Variants in ATP11B observed in about 807,000 individuals in gnomAD.
ATP11B encodes the protein ATPase phospholipid transporting 11B (putative).
ATP11B carries 81 observed loss-of-function variants against 157.8 expected under a neutral mutation model. The observed-to-expected ratio is 0.51, with a 90% CI of 0.43 to 0.62. ATP11B has a LOEUF of 0.62. ATP11B is among the 20% of genes least tolerant of loss of function. ATP11B has a pLI of 0.00. For synonymous variants in ATP11B, 451 were observed against 469.4 expected (o/e 0.96, Z 0.51); for missense variants, 1,165 against 1,402.2 (o/e 0.83, Z 2.70).
intron 28 of ATP11B, among the ~76,000 whole-genome samples, chr3:182,908,196 CTTT>C (rs10716562): frequency 1.4e-4 from 10 of 70,718 alleles, no homozygotes; most frequent in East Asian, 4.4e-4. Context: ...TTATTATTTT[CTTT>C]TTTTTTTTTT....
intron 19 of ATP11B, among the ~76,000 whole-genome samples, chr3:182,876,023 G>T (rs1251600648): frequency 6.6e-6 from 1 of 151,928 alleles, no homozygotes; most frequent in Admixed American, 6.6e-5. Flanking sequence ...GAGGTGGATC[G>T]CTTGAGCCCA....
chr3:182,814,650 ATT>A (rs1560059909), intron 1 of ATP11B, among the ~76,000 whole-genome samples: 1 of 152,006 alleles, frequency 6.6e-6, no homozygotes. Context: ...TCTACAAAAA[ATT>A]TTAAAAGTTA....
In ATP11B at chr3:182,810,403, T is replaced by A. The variant is rs184210040; in HGVS notation, c.28-9857T>A. Among the ~76,000 whole-genome samples the A allele has an allele frequency of 2.4e-3, 372 of 152,328 alleles. 6 individuals carry two copies. Among genetic ancestry groups the A allele is most frequent in the South Asian group, 7.0e-3 (34 of 4,830 alleles). ...GATGCTAAGTAATCATTTCTCTGCTTAAAGTTTAATTTTCATAGCAATAGT... is the reference window on the plus strand; with the variant it reads ...GATGCTAAGTAATCATTTCTCTGCTAAAAGTTTAATTTTCATAGCAATAGT... On this transcript the variant is annotated intron_variant, in intron 1 of 29. Coordinates refer to ENST00000323116, the MANE Select transcript of ATP11B (RefSeq NM_014616.3).
intron 1 of ATP11B, among the ~76,000 whole-genome samples, chr3:182,796,081 A>C (rs912235093): frequency 6.6e-5 from 10 of 152,238 alleles, no homozygotes; most frequent in African/African-American, 2.4e-4. Context: ...TAATTAAAAA[A>C]AAGTGTGACT....
In ATP11B at chr3:182,807,986, A is replaced by C. The variant is rs540329130; in HGVS notation, c.28-12274A>C. 2.0e-5 allele frequency among the ~76,000 whole-genome samples: 3 copies of C among 152,338 alleles called. No individual in the cohort carries two copies. In the South Asian group the frequency reaches 6.2e-4, roughly 32 times the overall value. On this transcript the variant is annotated intron_variant, in intron 1 of 29. Coordinates refer to ENST00000323116, the MANE Select transcript of ATP11B (RefSeq NM_014616.3). ...AACATTTTAACTTAACTGAGTAGCA[A>C]ACACGTTTTTCTTTATAAGTGATAC... is the stretch of plus-strand genomic sequence containing the variant.
At chr3:182,813,451 T>C (rs944183427) in intron 1 of ATP11B, among the ~76,000 whole-genome samples, 1 of 152,224 alleles carries the variant, frequency 6.6e-6, no homozygotes, top group Non-Finnish European at 1.5e-5. Flanking sequence ...GGATGTGAAG[T>C]GTTATCTCCT....
At position 182,921,131 on chromosome 3, in the gene ATP11B, C is replaced by T. The variant is rs1317068339; in HGVS notation, c.*3027C>T. On this transcript the variant is annotated 3_prime_UTR_variant, in exon 30 of 30. Coordinates refer to ENST00000323116, the MANE Select transcript of ATP11B (RefSeq NM_014616.3). ...TAAAATATGCTACTCTGAAAAATCT[C>T]GTGAAGGCTGTAGGAAAAGGGAGAA... 2 of 152,100 alleles carry T rather than the reference C, an allele frequency of 1.3e-5. No individual in the cohort carries two copies. The highest frequency in any genetic ancestry group is 2.4e-5 in the African/African-American group (1 of 41,414). 9.4% of individuals were successfully genotyped at this position (152,100 alleles called of 1,614,324 possible). A position where few individuals can be genotyped will look rare whatever the true frequency, so the allele number is the denominator to read the frequency against.
At chr3:182,865,728 G>A (rs778639806) in intron 13 of ATP11B, 30 bp downstream of exon 13, 4 of 1,551,666 alleles carry the variant, frequency 2.6e-6, no homozygotes, top group Non-Finnish European at 1.7e-6. Flanking sequence ...ATAAATAAGG[G>A]TTTCATATGA....
At chr3:182,841,987 A>C in intron 7 of ATP11B, 88 bp from the exon 8 acceptor site, 11 of 847,078 alleles carry the variant, frequency 1.3e-5, no homozygotes, top group East Asian at 2.7e-5. Context: ...CAAAAAAAAA[A>C]AAAAAAAAAA....
intron 22 of ATP11B, 28 bp downstream of exon 22, chr3:182,884,926 A>T: frequency 8.2e-7 from 1 of 1,222,780 alleles, no homozygotes; most frequent in Non-Finnish European, 1.1e-6. Context: ...AGAATCAATT[A>T]TTGATATAGT....
chr3:182,853,921 C>T (rs141479111), intron 10 of ATP11B, among the ~76,000 whole-genome samples: 1 of 152,262 alleles, frequency 6.6e-6, no homozygotes, highest in East Asian at 1.9e-4. Flanking sequence ...ACAGTAATTA[C>T]AGTATGGTAT....
At chr3:182,804,028 A>G (rs1032744342) in intron 1 of ATP11B, among the ~76,000 whole-genome samples, 2 of 151,882 alleles carry the variant, frequency 1.3e-5, no homozygotes, top group African/African-American at 4.8e-5. Context: ...TTATTCTTCC[A>G]TATGCCACTT....
chr3:182,866,247 A>G, intron 13 of ATP11B, 21 bp from the exon 14 acceptor site: 2 of 1,478,868 alleles, frequency 1.4e-6, no homozygotes, highest in South Asian at 1.4e-5. Flanking sequence ...TTTATCATGA[A>G]TATTAATTAC....
intron 2 of ATP11B, among the ~76,000 whole-genome samples, chr3:182,823,420 G>A (rs1717500098): frequency 6.6e-6 from 1 of 152,064 alleles, no homozygotes; most frequent in African/African-American, 2.4e-5. Context: ...AGATCAGATG[G>A]TTGTAGATGT....
chr3:182,907,688 G>A (rs1306914149), intron 28 of ATP11B, among the ~76,000 whole-genome samples: 2 of 152,178 alleles, frequency 1.3e-5, no homozygotes, highest in African/African-American at 4.8e-5. Flanking sequence ...GCTTGCTGCT[G>A]CCTAGGATTT....
At position 182,920,168 on chromosome 3, in the gene ATP11B, A is replaced by G. The variant is rs1354652771; in HGVS notation, c.*2064A>G. The G allele has an allele frequency of 6.6e-6, 1 of 152,226 alleles. No individual in the cohort carries two copies. Among genetic ancestry groups the G allele is most frequent in the Non-Finnish European group, 1.5e-5 (1 of 68,022 alleles). 9.4% of individuals were successfully genotyped at this position (152,226 alleles called of 1,614,324 possible). A position where few individuals can be genotyped will look rare whatever the true frequency, so the allele number is the denominator to read the frequency against. On this transcript the variant is annotated 3_prime_UTR_variant, in exon 30 of 30. Coordinates refer to ENST00000323116, the MANE Select transcript of ATP11B (RefSeq NM_014616.3). ...AAATAGCCTATGACCAACTGCAGCA[A>G]GACAGGAGGTCAGCTCGCCTATAAT...
At position 182,845,535 on chromosome 3, in the gene ATP11B, T is replaced by G; in HGVS notation, c.769+13T>G. 1 of 1,552,390 alleles carries G rather than the reference T, an allele frequency of 6.4e-7. No homozygotes were observed. Among genetic ancestry groups the G allele is most frequent in the Non-Finnish European group, 8.7e-7 (1 of 1,148,850 alleles). On this transcript the variant is annotated intron_variant, in intron 9 of 29. Coordinates refer to ENST00000323116, the MANE Select transcript of ATP11B (RefSeq NM_014616.3). ...AAAGAAATTTTTGGTTTGTACATAT[T>G]TAAACATTTTAAATTATTGATTTGT... is the stretch of plus-strand genomic sequence containing the variant.
At chr3:182,819,059 T>C (rs1444540898) in intron 1 of ATP11B, among the ~76,000 whole-genome samples, 1 of 148,724 alleles carries the variant, frequency 6.7e-6, no homozygotes, top group African/African-American at 2.5e-5. Flanking sequence ...AAGAGTCTTT[T>C]TTTCTTTTTT....
chr3:182,866,244 T>C, intron 13 of ATP11B, 24 bp from the exon 14 acceptor site: 1 of 1,473,068 alleles, frequency 6.8e-7, no homozygotes, highest in Admixed American at 2.1e-5. Flanking sequence ...ATTTTTATCA[T>C]GAATATTAAT....
Sources: gnomAD v4.1 joint callset for allele counts (sites outside exome capture counted in the v4.1 genomes callset) on GRCh38, gnomAD v4.1.1 for gene constraint, MANE v1.5 for transcripts, NCBI Gene and HGNC (gene_info 2026-07-23, HGNC 2026-07-21) for gene names.